PSME4: variants seen among roughly 807,000 people sequenced by gnomAD.
PSME4 encodes proteasome activator complex subunit 4.
A neutral mutation model predicts 253.9 loss-of-function variants in PSME4; 89 were observed. That is an observed-to-expected ratio of 0.35 (90% confidence interval 0.30 to 0.42). The LOEUF (loss-of-function observed/expected upper bound fraction) is 0.42. Among genes scored for constraint, PSME4 ranks in the 10% least tolerant of loss-of-function variants. The pLI is 1.00. For synonymous variants in PSME4, 851 were observed against 759.2 expected, an observed-to-expected ratio of 1.12 and a Z score of -1.99; for missense variants, 2,014 against 2,195.2, an observed-to-expected ratio of 0.92 and a Z score of 1.65.
At chr2:53,901,679 G>T in intron 27 of PSME4, 120 bp from the exon 28 acceptor site, 1 of 696,130 alleles carries the variant, frequency 1.4e-6, no homozygotes, top group Non-Finnish European at 2.2e-6. Context: ...CTTAATATTG[G>T]TTAGTAAAAT....
chr2:53,925,413 T>C, intron 14 of PSME4, 126 bp downstream of exon 14: 1 of 971,404 alleles, frequency 1.0e-6, no homozygotes, highest in Non-Finnish European at 1.4e-6. Context: ...TGTACATTTC[T>C]TTAAAACTTT....
chr2:53,932,540 A>T (rs952322201), intron 9 of PSME4, 128 bp downstream of exon 9: 2 of 722,096 alleles, frequency 2.8e-6, no homozygotes, highest in Non-Finnish European at 4.8e-6. Flanking sequence ...ATTTAAATGT[A>T]AGCATTTACA....
chr2:53,881,602 A>AT (rs201140865), intron 41 of PSME4: 3,387 of 145,060 alleles, frequency 0.023, 120 homozygotes, highest in African/African-American at 0.079. Flanking sequence ...CACAGGCAGA[A>AT]TTTTTTTTTT....
intron 26 of PSME4, among the ~76,000 whole-genome samples, chr2:53,905,806 G>A (rs1197638409): frequency 6.6e-6 from 1 of 152,116 alleles, no homozygotes; most frequent in Non-Finnish European, 1.5e-5. Context: ...AACAGAGAGA[G>A]ACCTTGTCTC....
intron 2 of PSME4, among the ~76,000 whole-genome samples, chr2:53,948,844 T>C (rs1011589731): frequency 6.6e-6 from 1 of 152,120 alleles, no homozygotes; most frequent in African/African-American, 2.4e-5. Flanking sequence ...TTGAGTTGGA[T>C]GCTTCAGGGT....
intron 6 of PSME4, 127 bp from the exon 7 acceptor site, chr2:53,936,288 T>C (rs2104464000): frequency 1.5e-6 from 2 of 1,315,482 alleles, no homozygotes; most frequent in Middle Eastern, 2.8e-4. Context: ...AGATAGTTTA[T>C]GACTTTGTTT....
At chr2:53,868,128 AC>A (rs1251574393) in intron 44 of PSME4, among the ~76,000 whole-genome samples, 1 of 152,060 alleles carries the variant, frequency 6.6e-6, no homozygotes, top group African/African-American at 2.4e-5. Context: ...GTAACAAAAG[AC>A]CTAAAAATAC....
intron 5 of PSME4, 131 bp from the exon 6 acceptor site, chr2:53,936,958 T>A: frequency 1.6e-6 from 1 of 609,492 alleles, no homozygotes; most frequent in Non-Finnish European, 2.8e-6. Flanking sequence ...AATACTGAAG[T>A]TATAAACTTA....
intron 36 of PSME4, among the ~76,000 whole-genome samples, chr2:53,892,577 A>G (rs1444211306): frequency 6.6e-6 from 1 of 152,050 alleles, no homozygotes; most frequent in East Asian, 1.9e-4. Flanking sequence ...ATTTTTTTTA[A>G]ATTTTTTCCC....
intron 12 of PSME4, 97 bp downstream of exon 12, chr2:53,927,297 T>G: frequency 1.1e-6 from 1 of 870,934 alleles, no homozygotes; most frequent in Non-Finnish European, 1.9e-6. Context: ...ATAGTGATTT[T>G]ACTTCCAAAG....
In PSME4 at chr2:53,908,321, C is replaced by T. The variant is rs758539921; in HGVS notation, c.2783G>A (p.Arg928Gln). 10 of 1,606,022 alleles carry T rather than the reference C, an allele frequency of 6.2e-6. No homozygotes were observed. The highest frequency in any genetic ancestry group is 4.5e-5 in the East Asian group (2 of 44,712). The stretch of plus-strand genomic sequence containing the variant: ...AGACTTTTAGGTGAAAATACTGACC[C>T]GATTTTCCATTGATTTCTTTACTAA... ...FNLVKKSMEN[R>Q]LHGKKQHIRA... is the part of the protein sequence containing the mutation. Residue 928 changes from arginine to glutamine, a missense_variant and splice_region_variant, in exon 24 of 47, where the codon CGG becomes CAG. This residue lies in a region of PSME4 where 989 missense variants were observed against 1,021.1 expected (regional missense o/e 0.97). Coordinates refer to ENST00000404125, the MANE Select transcript of PSME4 (RefSeq NM_014614.3).
At chr2:53,889,247 C>G (rs1679786626) in intron 37 of PSME4, among the ~76,000 whole-genome samples, 1 of 152,110 alleles carries the variant, frequency 6.6e-6, no homozygotes, top group Non-Finnish European at 1.5e-5. Flanking sequence ...TTCCAGAACT[C>G]CCTTAGGATA....
chr2:53,919,022 C>T, intron 20 of PSME4, 129 bp downstream of exon 20: 1 of 883,914 alleles, frequency 1.1e-6, no homozygotes, highest in Non-Finnish European at 1.7e-6. Context: ...TATTTTTGAC[C>T]TTAACAGTGA....
intron 41 of PSME4, 119 bp downstream of exon 41, chr2:53,885,571 C>G: frequency 1.5e-6 from 1 of 651,488 alleles, no homozygotes; most frequent in Non-Finnish European, 2.6e-6. Flanking sequence ...GACCATTCTA[C>G]TTTTCAGAGA....
chr2:53,952,665 T>G (rs905138106), intron 1 of PSME4, among the ~76,000 whole-genome samples: 1 of 152,206 alleles, frequency 6.6e-6, no homozygotes. Flanking sequence ...GTCCCCAACC[T>G]TTTTGGTACC....
At chr2:53,909,357 G>A (rs1558673511) in intron 21 of PSME4, among the ~76,000 whole-genome samples, 1 of 152,074 alleles carries the variant, frequency 6.6e-6, no homozygotes, top group African/African-American at 2.4e-5. Context: ...TTACATAAAT[G>A]TTATTATAAA....
chr2:53,928,354 T>A, intron 10 of PSME4, 51 bp from the exon 11 acceptor site: 2 of 1,347,266 alleles, frequency 1.5e-6, no homozygotes, highest in Non-Finnish European at 2.1e-6. Context: ...ATATGCATAA[T>A]ACCATAATAC....
chr2:53,948,863 G>T (rs192963076), intron 2 of PSME4, among the ~76,000 whole-genome samples: 10 of 152,178 alleles, frequency 6.6e-5, no homozygotes, highest in Non-Finnish European at 1.0e-4. Flanking sequence ...GTAAGCAAAA[G>T]AATCCATGAT....
At chr2:53,885,484 C>G (rs1185238793) in intron 41 of PSME4, among the ~76,000 whole-genome samples, 1 of 152,192 alleles carries the variant, frequency 6.6e-6, no homozygotes, top group Non-Finnish European at 1.5e-5. Flanking sequence ...ATGTAGCTGT[C>G]AAAATCCTGC....
Sources: gnomAD v4.1 joint callset for allele counts (sites outside exome capture counted in the v4.1 genomes callset) on GRCh38, gnomAD v4.1.1 for gene constraint, gnomAD v4.1.1 regional missense constraint, MANE v1.5 for transcripts, NCBI Gene and HGNC (gene_info 2026-07-23, HGNC 2026-07-21) for gene names.